Variants in BAIAP2 observed in about 807,000 individuals in gnomAD.
BAIAP2 encodes the protein BAR/IMD domain-containing adapter protein 2.
In BAIAP2, 18 loss-of-function variants were observed where a neutral mutation model predicts 63.0. The ratio of observed to expected loss-of-function variants is 0.29; its 90% CI spans 0.20 to 0.42. The LOEUF (loss-of-function observed/expected upper bound fraction) is 0.42, where lower values mean the gene tolerates loss of function less well. Among genes scored for constraint, BAIAP2 ranks in the 10% least tolerant of loss-of-function variants. The pLI is 1.00. For missense variants in BAIAP2, 610 were observed against 734.3 expected (o/e 0.83, Z 1.96); for synonymous variants, 386 against 307.6 (o/e 1.25, Z -2.67).
At chr17:81,067,285 G>A (rs1443596424) in intron 3 of BAIAP2, among the ~76,000 whole-genome samples, 4 of 152,236 alleles carry the variant, frequency 2.6e-5, no homozygotes, top group Non-Finnish European at 5.9e-5. Context: ...CCTGCCTCCC[G>A]CCCCATGGGG....
At position 81,057,985 on chromosome 17, in the gene BAIAP2, C is replaced by CG; in HGVS notation, c.217+18_217+19insG. 3.3e-6 allele frequency: 4 copies of CG among 1,216,950 alleles called. No homozygotes were observed. The highest frequency in any genetic ancestry group is 2.5e-5 in the Admixed American group (1 of 39,432). The allele number at this position is 1,216,950 out of a possible 1,614,324, so 75.4% of individuals were successfully genotyped here. On this transcript the variant is annotated intron_variant, in intron 3 of 13. Transcript: ENST00000428708. ...AGAACTCGGTGAGACCCCCCCCCCC[C>CG]CCCCGCCTGGTAGTCGCCTGATGCC... is the stretch of plus-strand genomic sequence containing the variant.
chr17:81,048,174 CG>C (rs1428460949), intron 1 of BAIAP2, among the ~76,000 whole-genome samples: 1 of 152,040 alleles, frequency 6.6e-6, no homozygotes, highest in Non-Finnish European at 1.5e-5. Context: ...CGCTTGAGGT[CG>C]GGAGTTCGAG....
chr17:81,098,318 C>G (rs958788378), intron 6 of BAIAP2: 3 of 613,102 alleles, frequency 4.9e-6, no homozygotes, highest in Admixed American at 4.3e-5. Flanking sequence ...ACTCTCTCCC[C>G]CAAACTCCCC....
intron 4 of BAIAP2, 126 bp downstream of exon 4, chr17:81,085,019 G>A (rs1338906092): frequency 4.0e-6 from 4 of 989,280 alleles, no homozygotes; most frequent in Non-Finnish European, 6.2e-6. Flanking sequence ...GAGGCAGGGA[G>A]GGACCCTGGC....
chr17:81,113,343 TG>T (rs1228455469), intron 13 of BAIAP2, among the ~76,000 whole-genome samples: 5 of 152,100 alleles, frequency 3.3e-5, no homozygotes, highest in African/African-American at 1.2e-4. Flanking sequence ...CTGCAGGAGG[TG>T]GGGCCTGGCA....
chr17:81,055,880 C>A (rs2049471136), intron 2 of BAIAP2, among the ~76,000 whole-genome samples: 2 of 152,110 alleles, frequency 1.3e-5, no homozygotes, highest in African/African-American at 4.8e-5. Flanking sequence ...GCAGGGTTTT[C>A]ATGACAGTGG....
chr17:81,055,574 G>GTTTTTTTT (rs1555657874), intron 2 of BAIAP2, among the ~76,000 whole-genome samples: 3 of 123,406 alleles, frequency 2.4e-5, no homozygotes, highest in Non-Finnish European at 3.3e-5. Flanking sequence ...AGGGTGTTTT[G>GTTTTTTTT]TTTTTTTTTG....
chr17:81,101,256 G>A lies in BAIAP2; in HGVS notation c.642+1176G>A, dbSNP rs1045527413. ...CCTGGCCCTGCTGAACCAGGAGCGA[G>A]TTCCTCAGGGACGGGCTGCAGCAGC... On this transcript the variant is annotated intron_variant, in intron 7 of 13. Coordinates refer to ENST00000428708, the MANE Select transcript of BAIAP2 (RefSeq NM_001144888.2). Among the ~76,000 whole-genome samples, 109 of 152,138 alleles carry A rather than the reference G, an allele frequency of 7.2e-4. 1 individual carries two copies. Among genetic ancestry groups the A allele is most frequent in the African/African-American group, 2.5e-3 (102 of 41,430 alleles).
At chr17:81,113,010 G>C (rs908882620) in intron 13 of BAIAP2, among the ~76,000 whole-genome samples, 1 of 152,216 alleles carries the variant, frequency 6.6e-6, no homozygotes, top group Non-Finnish European at 1.5e-5. Context: ...AGCTACAATT[G>C]CACCACTGCA....
intron 3 of BAIAP2, among the ~76,000 whole-genome samples, chr17:81,066,133 A>T (rs2051417165): frequency 6.6e-6 from 1 of 152,156 alleles, no homozygotes; most frequent in Non-Finnish European, 1.5e-5. Flanking sequence ...CCATCTCTGG[A>T]GGCCTCTGGT....
In BAIAP2 at chr17:81,055,569, G is replaced by GGTTTTTT. The variant is rs138656369; in HGVS notation, c.130+1826_130+1827insGTTTTTT. 5.7e-3 allele frequency among the ~76,000 whole-genome samples: 540 copies of GGTTTTTT among 94,116 alleles called. 9 individuals are homozygous for GGTTTTTT. The highest frequency in any genetic ancestry group is 8.2e-3 in the Admixed American group (68 of 8,290). 61.7% of individuals were successfully genotyped at this position (94,116 alleles called of 152,430 possible). On this transcript the variant is annotated intron_variant, in intron 2 of 13. Transcript: ENST00000428708. ...TTCCTCCAGCGAAAGTCTGCAGGGT[G>GGTTTTTT]TTTTGTTTTTTTTTGAGACGGAGTC... is the stretch of plus-strand genomic sequence containing the variant.
intron 1 of BAIAP2, among the ~76,000 whole-genome samples, chr17:81,052,081 A>T (rs11150767): frequency 0.12 from 18,876 of 152,114 alleles, 1,497 homozygotes; most frequent in East Asian, 0.31. Flanking sequence ...TCCCATTAGC[A>T]CATCCACCTC....
intron 10 of BAIAP2, 163 bp from the exon 11 acceptor site, chr17:81,105,915 G>T (rs1374131144): frequency 1.3e-5 from 8 of 612,900 alleles, no homozygotes; most frequent in Non-Finnish European, 2.3e-5. Flanking sequence ...CACAGTGGGA[G>T]CGGGCTGCGG....
chr17:81,054,701 G>A (rs940439036), intron 2 of BAIAP2, among the ~76,000 whole-genome samples: 1 of 152,194 alleles, frequency 6.6e-6, no homozygotes, highest in Admixed American at 6.5e-5. Context: ...GGGACAGAGG[G>A]TGTGGGGGAC....
chr17:81,076,395 C>T (rs957814927), intron 3 of BAIAP2: 1 of 152,192 alleles, frequency 6.6e-6, no homozygotes, highest in Non-Finnish European at 1.5e-5. Context: ...GTTCTGACCT[C>T]CCAAAAGGTC....
intron 3 of BAIAP2, among the ~76,000 whole-genome samples, chr17:81,067,081 A>C (rs1011428237): frequency 6.6e-6 from 1 of 152,238 alleles, no homozygotes; most frequent in African/African-American, 2.4e-5. Flanking sequence ...ATGAGAGGGA[A>C]GCGAGATGCC....
At chr17:81,040,120 C>T (rs867744847) in intron 1 of BAIAP2, among the ~76,000 whole-genome samples, 1 of 152,208 alleles carries the variant, frequency 6.6e-6, no homozygotes, top group East Asian at 1.9e-4. Context: ...TCTGTGGAGG[C>T]GGGGTGCCAC....
intron 13 of BAIAP2, among the ~76,000 whole-genome samples, chr17:81,112,531 C>G (rs1034099921): frequency 6.6e-6 from 1 of 152,242 alleles, no homozygotes; most frequent in African/African-American, 2.4e-5. Context: ...GCGAGCGTCC[C>G]TGGCCGCTGT....
intron 3 of BAIAP2, among the ~76,000 whole-genome samples, chr17:81,061,966 C>A (rs933804608): frequency 6.6e-6 from 1 of 151,856 alleles, no homozygotes; most frequent in African/African-American, 2.4e-5. Context: ...TTTTTGAGAC[C>A]GAATCTCACT....
Sources: allele counts gnomAD v4.1 joint callset (sites outside exome capture counted in the v4.1 genomes callset), GRCh38; gene constraint gnomAD v4.1.1; transcripts MANE v1.5; gene names NCBI Gene and HGNC (gene_info 2026-07-23, HGNC 2026-07-21).